Variants in TEX2 observed in about 807,000 individuals in gnomAD.
TEX2 encodes the protein testis expressed 2.
Under a neutral mutation model 106.9 loss-of-function variants are expected in TEX2, and 53 were observed. The observed-to-expected ratio is 0.50, with a 90% CI of 0.40 to 0.62. The LOEUF (loss-of-function observed/expected upper bound fraction) is 0.62, where lower values mean the gene tolerates loss of function less well. Among genes scored for constraint, TEX2 ranks in the 20% least tolerant of loss-of-function variants. TEX2 has a pLI of 0.00. For missense variants in TEX2, 1,207 were observed against 1,379.0 expected (o/e 0.88, Z 1.98); for synonymous variants, 523 against 534.8 (o/e 0.98, Z 0.30).
rs550610710 is a variant in TEX2 at position 64,166,756 on chromosome 17, A to G, written c.2671+4344T>C. Among the ~76,000 whole-genome samples the G allele has an allele frequency of 5.3e-5, 8 of 152,350 alleles. No individual in the cohort carries two copies. The East Asian group carries it at 1.3e-3, about 26-fold the overall frequency. ...TCCTGAATATTTCTGTTTTTCCCACAATGAGTATTTGTTGAATGAATGAAC... is the reference window on the plus strand; with the variant it reads ...TCCTGAATATTTCTGTTTTTCCCACGATGAGTATTTGTTGAATGAATGAAC... On this transcript the variant is annotated intron_variant, in intron 7 of 11. Transcript: ENST00000584379.
intron 1 of TEX2, among the ~76,000 whole-genome samples, chr17:64,242,781 A>C (rs2143416661): frequency 6.6e-6 from 1 of 152,340 alleles, no homozygotes; most frequent in African/African-American, 2.4e-5. Context: ...TGCCTCCTTC[A>C]TAACTAATGT....
At chr17:64,248,396 G>A (rs1222256055) in intron 1 of TEX2, among the ~76,000 whole-genome samples, 1 of 152,132 alleles carries the variant, frequency 6.6e-6, no homozygotes, top group Non-Finnish European at 1.5e-5. Flanking sequence ...CACAAGATGG[G>A]TAAGGACCTC....
At chr17:64,200,966 G>A (rs1555630031) in intron 2 of TEX2, among the ~76,000 whole-genome samples, 1 of 152,062 alleles carries the variant, frequency 6.6e-6, no homozygotes, top group Non-Finnish European at 1.5e-5. Context: ...TTCATCAGAT[G>A]CTAAAGTCCA....
intron 7 of TEX2, among the ~76,000 whole-genome samples, chr17:64,164,117 A>G (rs982535949): frequency 6.6e-5 from 10 of 151,984 alleles, no homozygotes; most frequent in African/African-American, 2.4e-4. Flanking sequence ...AACCAGTGGC[A>G]CCCGATTATT....
chr17:64,247,138 C>T (rs151320706), intron 1 of TEX2, among the ~76,000 whole-genome samples: 3,752 of 151,740 alleles, frequency 0.025, 145 homozygotes, highest in African/African-American at 0.086. Flanking sequence ...ATTAGCTGGG[C>T]GTGGTGGCAG....
intron 1 of TEX2, among the ~76,000 whole-genome samples, chr17:64,250,653 A>C (rs2034072264): frequency 6.6e-6 from 1 of 152,178 alleles, no homozygotes; most frequent in Non-Finnish European, 1.5e-5. Flanking sequence ...GCAGCATCCT[A>C]CAACAACATA....
chr17:64,260,104 G>A (rs1206833761), intron 1 of TEX2, among the ~76,000 whole-genome samples: 2 of 152,198 alleles, frequency 1.3e-5, no homozygotes, highest in African/African-American at 4.8e-5. Context: ...GGCAGTAAAA[G>A]ATTTCCCAAT....
chr17:64,171,625 C>T (rs190390085), intron 6 of TEX2, among the ~76,000 whole-genome samples: 3 of 152,150 alleles, frequency 2.0e-5, no homozygotes, highest in Admixed American at 2.0e-4. Context: ...AACAGTACCC[C>T]ACATTTGCTG....
In TEX2 at chr17:64,214,187, T is replaced by C; in HGVS notation, c.31A>G (p.Lys11Glu). MTSLYGRHAE[K>E]TTDMPKPSAP... The stretch of plus-strand genomic sequence containing the variant: ...GATGGTTTTGGCATGTCAGTGGTTT[T>C]CTCGGCATGGCGACCATACAGACTT... Residue 11 changes from lysine (K) to glutamate (E), a missense_variant, in exon 2 of 12, where the codon AAA (lysine) becomes GAA (glutamate). Transcript: ENST00000584379. 2 of 1,614,034 alleles carry C rather than the reference T, an allele frequency of 1.2e-6. No individual in the cohort carries two copies. Among genetic ancestry groups the C allele is most frequent in the Middle Eastern group, 1.6e-4 (1 of 6,062 alleles).
At chr17:64,228,583 G>C (rs1341343844) in intron 1 of TEX2, among the ~76,000 whole-genome samples, 7 of 152,190 alleles carry the variant, frequency 4.6e-5, no homozygotes, top group Non-Finnish European at 1.0e-4. Context: ...TGATGTGACA[G>C]GAGGTGGAGC....
intron 7 of TEX2, among the ~76,000 whole-genome samples, chr17:64,170,543 G>A (rs1052475410): frequency 6.6e-6 from 1 of 150,570 alleles, no homozygotes; most frequent in Non-Finnish European, 1.5e-5. Context: ...TGGCATGTGT[G>A]CATCACTGGG....
chr17:64,164,418 T>C (rs960129389), intron 7 of TEX2, among the ~76,000 whole-genome samples: 13 of 149,780 alleles, frequency 8.7e-5, no homozygotes, highest in Non-Finnish European at 1.3e-4. Flanking sequence ...AGCCTCTGTC[T>C]CAAAAGAAGA....
chr17:64,259,396 A>C (rs1555638233), intron 1 of TEX2, among the ~76,000 whole-genome samples: 1 of 152,222 alleles, frequency 6.6e-6, no homozygotes. Context: ...GTTGCTTTAA[A>C]ACTCACATGT....
chr17:64,159,397 A>AT (rs2030782179), intron 8 of TEX2, among the ~76,000 whole-genome samples: 1 of 152,108 alleles, frequency 6.6e-6, no homozygotes, highest in Non-Finnish European at 1.5e-5. Context: ...GCTAGATTTA[A>AT]TGTGCTCAGC....
At position 64,217,766 on chromosome 17, in the gene TEX2, C is replaced by T. The variant is rs1488099713; in HGVS notation, c.-25-3524G>A. 6.6e-6 allele frequency among the ~76,000 whole-genome samples: 1 copy of T among 152,158 alleles called. No individual in the cohort carries two copies. Among genetic ancestry groups the T allele is most frequent in the South Asian group, 2.1e-4 (1 of 4,828 alleles). ...AAGAAAGCTTCCTTCTCAACAGTCT[C>T]TTTTTCCCATAGTTCCAGCAGACTA... On this transcript the variant is annotated intron_variant, in intron 1 of 11. Coordinates refer to ENST00000584379, the MANE Select transcript of TEX2 (RefSeq NM_001288732.2). This position sits in a 1 kb window ranked among gnomAD's most constrained non-coding sequence, Gnocchi z 4.3.
In TEX2 at chr17:64,228,265, A is replaced by G. The variant is rs570227074; in HGVS notation, c.-25-14023T>C. 1.5e-3 allele frequency among the ~76,000 whole-genome samples: 222 copies of G among 152,352 alleles called. 1 individual carries two copies. Among genetic ancestry groups the G allele is most frequent in the Non-Finnish European group, 2.5e-3 (170 of 68,022 alleles). On this transcript the variant is annotated intron_variant, in intron 1 of 11. Transcript: ENST00000584379. ...CTGCAAAATCAGCTTCATGGAAGAC[A>G]ATTTTTCCACGGACCAGAGGCAGCG...
chr17:64,189,984 C>CAA (rs749574684), intron 4 of TEX2, among the ~76,000 whole-genome samples: 4 of 109,836 alleles, frequency 3.6e-5, no homozygotes, highest in Non-Finnish European at 5.7e-5. Context: ...GACTCTGTCT[C>CAA]AAAAAAAAAA....
At chr17:64,231,658 C>G (rs1441439435) in intron 1 of TEX2, among the ~76,000 whole-genome samples, 1 of 152,184 alleles carries the variant, frequency 6.6e-6, no homozygotes, top group Non-Finnish European at 1.5e-5. Flanking sequence ...GAGGTGAGAA[C>G]TGAATAGGTC....
At position 64,237,180 on chromosome 17, in the gene TEX2, C is replaced by G. The variant is rs1306560564; in HGVS notation, c.-25-22938G>C. On this transcript the variant is annotated intron_variant, in intron 1 of 11. Transcript: ENST00000584379. Reference sequence around the variant, plus strand: ...ACATCTCCAGGATGAGTCGAGCTGGCTAAGTGATGGCAGCGTGGGCATTCC... The same window carrying G: ...ACATCTCCAGGATGAGTCGAGCTGGGTAAGTGATGGCAGCGTGGGCATTCC... 4.6e-5 allele frequency among the ~76,000 whole-genome samples: 7 copies of G among 152,082 alleles called. No homozygotes were observed. In the South Asian group the frequency reaches 1.2e-3, roughly 27 times the overall value.
Sources: gnomAD v4.1 joint callset for allele counts (sites outside exome capture counted in the v4.1 genomes callset) on GRCh38, gnomAD v4.1.1 for gene constraint, Gnocchi (gnomAD v3.1) non-coding constraint, MANE v1.5 for transcripts, NCBI Gene and HGNC (gene_info 2026-07-23, HGNC 2026-07-21) for gene names.